Variants in FSTL5 observed in about 807,000 individuals in gnomAD.
FSTL5 encodes follistatin like 5, also known as follistatin-related protein 5.
FSTL5 carries 62 observed loss-of-function variants against 89.1 expected under a neutral mutation model. The ratio of observed to expected loss-of-function variants is 0.70; its 90% CI spans 0.57 to 0.86. The LOEUF (loss-of-function observed/expected upper bound fraction) is 0.86. FSTL5 is among the 40% of genes least tolerant of loss of function. FSTL5 has a pLI of 0.00. For synonymous variants in FSTL5, 383 were observed against 346.2 expected (o/e 1.11, Z -1.18); for missense variants, 1,057 against 1,001.6 (o/e 1.06, Z -0.75).
At chr4:161,542,373 T>G (rs1284522796) in intron 9 of FSTL5, among the ~76,000 whole-genome samples, 159 bp downstream of exon 9, 2 of 152,110 alleles carry the variant, frequency 1.3e-5, no homozygotes, top group African/African-American at 4.8e-5. Flanking sequence ...AAAGAATCTT[T>G]CCCATATAAT....
At chr4:161,527,858 C>T (rs1477049914) in intron 10 of FSTL5, among the ~76,000 whole-genome samples, 12 of 150,778 alleles carry the variant, frequency 8.0e-5, no homozygotes, top group East Asian at 2.0e-4. Flanking sequence ...ATGTTTGTTG[C>T]GGCACTATTC....
chr4:161,720,212 A>T (rs1421728061), intron 6 of FSTL5, among the ~76,000 whole-genome samples: 1 of 151,982 alleles, frequency 6.6e-6, no homozygotes, highest in East Asian at 1.9e-4. Flanking sequence ...AGCAAAAAAA[A>T]AAAAAAAATC....
At position 161,509,365 on chromosome 4, in the gene FSTL5, G is replaced by C. The variant is rs186489300; in HGVS notation, c.1339+1033C>G. Among the ~76,000 whole-genome samples, 14 of 152,162 alleles carry C rather than the reference G, an allele frequency of 9.2e-5. No individual in the cohort carries two copies. The East Asian group carries it at 1.2e-3, about 13-fold the overall frequency. ...GTCAAGGCTACTTTCATTAACGAGT[G>C]AATTATGTACATTTAAAGGTGAAAT... On this transcript the variant is annotated intron_variant, in intron 11 of 15. Coordinates refer to ENST00000306100, the MANE Select transcript of FSTL5 (RefSeq NM_020116.5).
intron 6 of FSTL5, among the ~76,000 whole-genome samples, chr4:161,659,532 A>T (rs1736635658): frequency 6.6e-6 from 1 of 152,174 alleles, no homozygotes; most frequent in African/African-American, 2.4e-5. Context: ...TTCTTAAATT[A>T]TATCAAGAAT....
At chr4:161,840,816 C>T (rs1438454137) in intron 4 of FSTL5, among the ~76,000 whole-genome samples, 1 of 152,144 alleles carries the variant, frequency 6.6e-6, no homozygotes, top group Non-Finnish European at 1.5e-5. Flanking sequence ...AATGAAATGA[C>T]TCTGAGAAGC....
chr4:162,001,387 G>T (rs1736458309), intron 3 of FSTL5, among the ~76,000 whole-genome samples: 2 of 152,226 alleles, frequency 1.3e-5, no homozygotes, highest in South Asian at 4.2e-4. Flanking sequence ...ACTGTGAAAA[G>T]GAGGCATCAT....
At chr4:161,933,931 C>T (rs910248746) in intron 3 of FSTL5, among the ~76,000 whole-genome samples, 1 of 152,008 alleles carries the variant, frequency 6.6e-6, no homozygotes, top group African/African-American at 2.4e-5. Context: ...AGTGGTAGCA[C>T]TGAAGTAGGA....
chr4:162,008,194 A>G (rs1468464426), intron 3 of FSTL5, among the ~76,000 whole-genome samples: 1 of 151,886 alleles, frequency 6.6e-6, no homozygotes, highest in Non-Finnish European at 1.5e-5. Context: ...ATGACCATTA[A>G]TGAGAGAACA....
chr4:162,093,078 T>C (rs1021450584), intron 2 of FSTL5, among the ~76,000 whole-genome samples: 2 of 150,662 alleles, frequency 1.3e-5, no homozygotes, highest in Non-Finnish European at 2.9e-5. Context: ...CTGTAATCAA[T>C]AAAGACAAAA....
intron 4 of FSTL5, among the ~76,000 whole-genome samples, chr4:161,912,232 G>T (rs1733714162): frequency 6.6e-6 from 1 of 152,136 alleles, no homozygotes; most frequent in East Asian, 1.9e-4. Context: ...GTAAGTTATA[G>T]AAATATTGCA....
intron 3 of FSTL5, among the ~76,000 whole-genome samples, chr4:161,952,483 G>A (rs1438660221): frequency 2.0e-5 from 3 of 151,900 alleles, no homozygotes; most frequent in Admixed American, 6.6e-5. Context: ...TTTAGCCAAA[G>A]CTTCAAAATA....
chr4:161,456,192 C>T (rs768894028), intron 14 of FSTL5, among the ~76,000 whole-genome samples: 4 of 152,096 alleles, frequency 2.6e-5, no homozygotes, highest in Non-Finnish European at 5.9e-5. Context: ...TTTGATAAGA[C>T]ATTAATTATA....
At chr4:161,856,662 G>GTA (rs10647528) in intron 4 of FSTL5, among the ~76,000 whole-genome samples, 104,657 of 147,690 alleles carry the variant, frequency 0.71, 37,118 homozygotes, top group Non-Finnish European at 0.74. Flanking sequence ...GTGTGTGTGT[G>GTA]TATATATATA....
At chr4:161,880,511 G>A (rs528907851) in intron 4 of FSTL5, among the ~76,000 whole-genome samples, 14 of 152,042 alleles carry the variant, frequency 9.2e-5, no homozygotes, top group African/African-American at 2.4e-4. Context: ...TGACCTTAAC[G>A]TATACTTTCT....
chr4:161,777,364 G>T (rs1235898960), intron 4 of FSTL5, among the ~76,000 whole-genome samples: 2 of 151,694 alleles, frequency 1.3e-5, no homozygotes, highest in Non-Finnish European at 2.9e-5. Context: ...TAAGAGTGCA[G>T]ATATCTCTTT....
chr4:161,781,016 A>G (rs1741646448), intron 4 of FSTL5, among the ~76,000 whole-genome samples: 1 of 152,262 alleles, frequency 6.6e-6, no homozygotes, highest in South Asian at 2.1e-4. Context: ...ATTCCAATAT[A>G]AGCTGAAATC....
chr4:161,928,016 C>A (rs1187886724), intron 3 of FSTL5, among the ~76,000 whole-genome samples: 3 of 151,590 alleles, frequency 2.0e-5, no homozygotes, highest in Non-Finnish European at 3.0e-5. Context: ...CGTTAATATC[C>A]ACTAATCAAT....
At chr4:161,829,247 T>C (rs1406481692) in intron 4 of FSTL5, among the ~76,000 whole-genome samples, 2 of 149,924 alleles carry the variant, frequency 1.3e-5, no homozygotes, top group Non-Finnish European at 3.0e-5. Context: ...ATATATGATC[T>C]GGTATTCCAG....
rs888239276 is a variant in FSTL5 at position 162,087,247 on chromosome 4, T to C, written c.126+24024A>G. On this transcript the variant is annotated intron_variant, in intron 2 of 15. Coordinates refer to ENST00000306100, the MANE Select transcript of FSTL5 (RefSeq NM_020116.5). ...CACCCAAATGAAACACTGCAATTTA[T>C]TTGAGTGGGGCTTACATAAGGTTAC... is the stretch of plus-strand genomic sequence containing the variant. Among the ~76,000 whole-genome samples the C allele has an allele frequency of 1.1e-4, 17 of 152,196 alleles. No homozygotes were observed. In the East Asian group the frequency reaches 2.1e-3, roughly 19 times the overall value.
Sources: allele counts gnomAD v4.1 joint callset (sites outside exome capture counted in the v4.1 genomes callset), GRCh38; gene constraint gnomAD v4.1.1; transcripts MANE v1.5; gene names NCBI Gene and HGNC (gene_info 2026-07-23, HGNC 2026-07-21).